PERM1: variants seen among roughly 807,000 people sequenced by gnomAD.
PERM1 encodes the protein PPARGC1 and ESRR induced regulator, muscle 1.
PERM1 carries 45 observed loss-of-function variants against 44.1 expected under a neutral mutation model. The observed-to-expected ratio is 1.02, with a 90% CI of 0.80 to 1.31. The LOEUF is 1.31. Among genes scored for constraint, PERM1 ranks in the 50% most tolerant of loss-of-function variants. The pLI, the probability that PERM1 is intolerant of heterozygous loss-of-function variation, is 0.00. For missense variants in PERM1, 1,189 were observed against 1,106.9 expected (o/e 1.07, Z -1.05); for synonymous variants, 565 against 477.1 (o/e 1.18, Z -2.40).
Position 976,219 on chromosome 1 carries a change from G to A in PERM1, c.2326C>T (p.Gln776Ter), listed in dbSNP as rs549560319. ...TGGCTGCGGCGCCCTTGCCCCACCT[G>A]CCGGCGGAAGTAGCGGATGGCAGAG... The change falls in exon 3 of 3, where the codon CAG (glutamine) becomes TAG (stop). Residue 776 changes from glutamine to a stop codon, truncating the protein, a stop_gained. Coordinates refer to ENST00000433179, the Ensembl canonical transcript of PERM1. LOFTEE classifies it high-confidence loss of function. 3.9e-6 allele frequency: 6 copies of A among 1,538,422 alleles called. No homozygotes were observed. Among genetic ancestry groups the A allele is most frequent in the African/African-American group, 2.8e-5 (2 of 72,334 alleles).
rs1244074939 is a variant in PERM1, at chr1:980,683, C to T, written c.347G>A (p.Gly116Asp). ...CTGGCTGGGAGGGCTGGCGCCGGGG[C>T]CGAGGGACGGTGGAGCTTCTGCCCG... Residue 116 changes from glycine to aspartate, a missense_variant, in exon 1 of 3, where the codon GGC becomes GAC. Coordinates refer to ENST00000433179, the Ensembl canonical transcript of PERM1. 2.2e-5 allele frequency: 31 copies of T among 1,425,426 alleles called. No individual in the cohort carries two copies. In the South Asian group the frequency reaches 4.6e-4, roughly 21 times the overall value. The allele number at this position is 1,425,426 out of a possible 1,614,324, so 88.3% of individuals were successfully genotyped here. A position where few individuals can be genotyped will look rare whatever the true frequency, so the allele number is the denominator to read the frequency against.
exon 1 of PERM1, chr1:979,123 G>T: frequency 6.5e-7 from 1 of 1,549,962 alleles, no homozygotes; most frequent in East Asian, 2.4e-5. Flanking sequence ...TCTCGGGAGC[G>T]GCTCCGGGGA....
exon 1 of PERM1, chr1:979,356 G>A: frequency 6.6e-7 from 1 of 1,511,682 alleles, no homozygotes; most frequent in East Asian, 2.5e-5. Context: ...GGCGAGGCAG[G>A]TGCTTGAGGA....
chr1:981,462 A>G (rs1326132514), upstream of PERM1, among the ~76,000 whole-genome samples: 1 of 152,216 alleles, frequency 6.6e-6, no homozygotes, highest in Non-Finnish European at 1.5e-5. Context: ...TTGCACGGCA[A>G]AGCACCTTTC....
At chr1:979,520 C>G in exon 1 of PERM1, 3 of 1,549,974 alleles carry the variant, frequency 1.9e-6, no homozygotes, top group East Asian at 4.9e-5. Flanking sequence ...GAGAAGCGCA[C>G]TTTCTTCTTC....
At chr1:976,521 A>G in exon 2 of PERM1, 1 of 1,549,562 alleles carries the variant, frequency 6.5e-7, no homozygotes, top group Non-Finnish European at 8.7e-7. Context: ...CGTCTGGGGT[A>G]TGCGGATCTG....
At chr1:979,030 T>C in exon 1 of PERM1, 1 of 1,538,998 alleles carries the variant, frequency 6.5e-7, no homozygotes, top group South Asian at 1.2e-5. Flanking sequence ...AAGCCTGTCC[T>C]CCCCGAAGAA....
Position 978,875 on chromosome 1 carries a change from A to C in PERM1, c.2149+6T>G, listed in dbSNP as rs1570070769. ...TGGACGGGCTGTGGGATCCGAGAGC[A>C]CGTACCTGCCCGTCTAAGAGCCAGG... On this transcript the variant is annotated splice_donor_region_variant and intron_variant, in intron 1 of 2. Coordinates refer to ENST00000433179, the Ensembl canonical transcript of PERM1. 1 of 1,473,188 alleles carries C rather than the reference A, an allele frequency of 6.8e-7. No individual in the cohort carries two copies. The highest frequency in any genetic ancestry group is 9.0e-7 in the Non-Finnish European group (1 of 1,108,452). 91.3% of individuals were successfully genotyped at this position (1,473,188 alleles called of 1,614,324 possible).
At chr1:980,560 G>C (rs1643769086) in exon 1 of PERM1, 1 of 1,458,646 alleles carries the variant, frequency 6.9e-7, no homozygotes, top group African/African-American at 1.4e-5. Context: ...AGGGGACTTG[G>C]GACTCCCAGG....
At chr1:980,130 C>T (rs1643753060) in exon 1 of PERM1, 9 of 1,550,314 alleles carry the variant, frequency 5.8e-6, no homozygotes, top group African/African-American at 4.1e-5. Flanking sequence ...CAGGTGTAGA[C>T]ACAGCCATGT....
chr1:978,324 C>G (rs1643682805), intron 1 of PERM1, among the ~76,000 whole-genome samples: 1 of 151,348 alleles, frequency 6.6e-6, no homozygotes, highest in African/African-American at 2.4e-5. Flanking sequence ...GACACGTCTT[C>G]CCGAAACCCC....
At chr1:976,036 G>T in exon 3 of PERM1, 1 of 850,556 alleles carries the variant, frequency 1.2e-6, no homozygotes, top group Non-Finnish European at 1.8e-6. Context: ...GGAGGGAGCA[G>T]CACCAGGACA....
In PERM1 at chr1:976,269, G is replaced by C. The variant is rs778949666; in HGVS notation, c.2276C>G (p.Ala759Gly). The C allele has an allele frequency of 9.6e-5, 146 of 1,514,256 alleles. No individual in the cohort carries two copies. In the Middle Eastern group the frequency reaches 1.0e-3, roughly 11 times the overall value. 93.8% of individuals were successfully genotyped at this position (1,514,256 alleles called of 1,614,324 possible). ...GATGGTGCCGACGTTGGCCAGCAAG[G>C]CTGCAAGAGAAGCACAGGCTCTTCT... is the stretch of plus-strand genomic sequence containing the variant. Residue 759 changes from alanine (A) to glycine (G), a missense_variant and splice_region_variant, in exon 3 of 3, where the codon GCC becomes GGC. Transcript: ENST00000433179.
exon 3 of PERM1, chr1:976,128 T>C (rs549891333): frequency 6.5e-7 from 1 of 1,533,748 alleles, no homozygotes; most frequent in African/African-American, 1.4e-5. Context: ...TGGGCGCCTG[T>C]GGTCGTCTCC....
chr1:978,270 CAT>C (rs956256848), intron 1 of PERM1, among the ~76,000 whole-genome samples: 3 of 149,504 alleles, frequency 2.0e-5, no homozygotes, highest in Admixed American at 6.6e-5. Flanking sequence ...CATCATGGGA[CAT>C]GTCTGTCCTA....
rs756317657 is a variant in PERM1 at position 980,423 on chromosome 1, G to A, written c.607C>T (p.Gln203Ter). 3.4e-5 allele frequency: 53 copies of A among 1,548,478 alleles called. No homozygotes were observed. Among genetic ancestry groups the A allele is most frequent in the Middle Eastern group, 3.5e-4 (2 of 5,752 alleles). The change falls in exon 1 of 3, where the codon CAG (glutamine) becomes TAG (stop). Residue 203 changes from glutamine (Q) to a stop codon, truncating the protein, a stop_gained. Transcript: ENST00000433179. LOFTEE classifies it high-confidence loss of function. ...GCAGGGAGCAGCGGGGAGCCCGTCT[G>A]GGCAGAAGCAGAGGCTCCTGTGTGC...
exon 1 of PERM1, chr1:979,181 C>T (rs1000608524): frequency 3.0e-5 from 46 of 1,549,976 alleles, no homozygotes; most frequent in African/African-American, 2.6e-4. Context: ...AAGAAGAACT[C>T]GCACATGTCC....
At chr1:979,391 C>G (rs991492008) in exon 1 of PERM1, 3 of 1,508,582 alleles carry the variant, frequency 2.0e-6, no homozygotes, top group Admixed American at 4.5e-5. Flanking sequence ...GGCCGGGGCC[C>G]GACAGCCACA....
chr1:976,234 G>T, exon 3 of PERM1: 2 of 1,537,658 alleles, frequency 1.3e-6, no homozygotes, highest in Non-Finnish European at 1.8e-6. Flanking sequence ...CGGAAGTAGC[G>T]GATGGCAGAG....
Sources: gnomAD v4.1 joint callset for allele counts (sites outside exome capture counted in the v4.1 genomes callset) on GRCh38, gnomAD v4.1.1 for gene constraint, MANE v1.5 for transcripts, NCBI Gene and HGNC (gene_info 2026-07-23, HGNC 2026-07-21) for gene names.